Variants in CABIN1 observed in about 807,000 individuals in gnomAD.
CABIN1 encodes the protein calcineurin-binding protein cabin-1.
A neutral mutation model predicts 227.7 loss-of-function variants in CABIN1; 133 were observed. That is an observed-to-expected ratio of 0.58 (90% CI 0.51 to 0.67). The LOEUF (loss-of-function observed/expected upper bound fraction) is 0.67. Among genes scored for constraint, CABIN1 ranks in the 30% least tolerant of loss-of-function variants. CABIN1 has a pLI of 0.00. For missense variants in CABIN1, 2,408 were observed against 2,852.5 expected, an observed-to-expected ratio of 0.84 and a Z score of 3.55; for synonymous variants, 1,086 against 1,155.1, an observed-to-expected ratio of 0.94 and a Z score of 1.21.
chr22:24,096,184 A>C, intron 25 of CABIN1, 102 bp downstream of exon 25: 1 of 1,349,696 alleles, frequency 7.4e-7, no homozygotes, highest in South Asian at 1.2e-5. Context: ...TACACAGTAA[A>C]CAGTAAACTA....
Position 24,090,337 on chromosome 22 carries a change from A to C in CABIN1, c.3526-1246A>C, listed in dbSNP as rs374686008. On this transcript the variant is annotated intron_variant, in intron 23 of 36. Coordinates refer to ENST00000263119, the MANE Select transcript of CABIN1 (RefSeq NM_012295.4). ...CTTGGTCCAGGTCACACAGCTACAAAGCAATTCAAGTAGAAGGACATCCTT... is the reference window on the plus strand; with the variant it reads ...CTTGGTCCAGGTCACACAGCTACAACGCAATTCAAGTAGAAGGACATCCTT... 7.2e-5 allele frequency among the ~76,000 whole-genome samples: 11 copies of C among 152,308 alleles called. No homozygotes were observed. In the East Asian group the frequency reaches 2.1e-3, roughly 29 times the overall value.
intron 11 of CABIN1, 95 bp downstream of exon 11, chr22:24,059,458 G>C: frequency 6.7e-7 from 1 of 1,491,158 alleles, no homozygotes; most frequent in South Asian, 1.2e-5. Flanking sequence ...ATGGTTCTGG[G>C]GTGTTTTTTA....
chr22:24,164,343 C>G, intron 29 of CABIN1, 57 bp from the exon 30 acceptor site: 1 of 1,592,526 alleles, frequency 6.3e-7, no homozygotes, highest in Non-Finnish European at 8.5e-7. Context: ...GACAGGGTGT[C>G]CCCGAGGCTC....
At chr22:24,079,905 T>C (rs2040697545) in intron 19 of CABIN1, among the ~76,000 whole-genome samples, 1 of 152,222 alleles carries the variant, frequency 6.6e-6, no homozygotes, top group Non-Finnish European at 1.5e-5. Context: ...TGGGATATCT[T>C]TTAACTATGT....
chr22:24,073,718 G>A (rs2040250105), intron 18 of CABIN1, among the ~76,000 whole-genome samples: 1 of 152,160 alleles, frequency 6.6e-6, no homozygotes. Flanking sequence ...AAGAGCAGGG[G>A]CAGAGGAAGA....
intron 28 of CABIN1, among the ~76,000 whole-genome samples, chr22:24,125,312 G>C (rs1386799919): frequency 6.6e-6 from 1 of 152,236 alleles, no homozygotes; most frequent in Non-Finnish European, 1.5e-5. Context: ...TGGTGCTCTG[G>C]TGTGAGCCTG....
At chr22:24,048,158 T>A (rs1194647345) in intron 6 of CABIN1, among the ~76,000 whole-genome samples, 1 of 152,220 alleles carries the variant, frequency 6.6e-6, no homozygotes, top group Non-Finnish European at 1.5e-5. Context: ...GGCAGTAGCT[T>A]TAATAATAGG....
intron 18 of CABIN1, 133 bp downstream of exon 18, chr22:24,072,643 A>G (rs916570571): frequency 2.7e-6 from 3 of 1,103,004 alleles, no homozygotes; most frequent in Non-Finnish European, 4.0e-6. Context: ...AGGATTTTGC[A>G]TGCGCTTGGA....
At chr22:24,141,136 A>C (rs1156708621) in intron 29 of CABIN1, among the ~76,000 whole-genome samples, 1 of 152,218 alleles carries the variant, frequency 6.6e-6, no homozygotes, top group East Asian at 1.9e-4. Context: ...GATGTGACTG[A>C]AGCACGGAGC....
intron 28 of CABIN1, among the ~76,000 whole-genome samples, chr22:24,127,046 G>T (rs189095831): frequency 2.0e-5 from 3 of 152,114 alleles, no homozygotes; most frequent in African/African-American, 7.2e-5. Context: ...ACTGTCGCAA[G>T]GTTGTGGAAG....
rs777112935 is a variant in CABIN1 at position 24,036,190 on chromosome 22, T to TATTA, written c.96+9_96+10insATTA. 54 of 1,588,732 alleles carry TATTA rather than the reference T, an allele frequency of 3.4e-5. No individual in the cohort carries two copies. The highest frequency in any genetic ancestry group is 1.7e-6 in the Non-Finnish European group (2 of 1,157,280). On this transcript the variant is annotated intron_variant, in intron 3 of 36. Transcript: ENST00000263119. Reference sequence around the variant, plus strand: ...AGACAAAGGAGGCTCAGGTACGTAATGCGAGGTCTTCTCTGTAGGTGGACC... The same window carrying TATTA: ...AGACAAAGGAGGCTCAGGTACGTAATATTAGCGAGGTCTTCTCTGTAGGTGGACC...
chr22:24,059,669 G>A, intron 11 of CABIN1, among the ~76,000 whole-genome samples: 1 of 152,208 alleles, frequency 6.6e-6, no homozygotes, highest in East Asian at 1.9e-4. Flanking sequence ...TAGTGCACAT[G>A]GCAGCACTTG....
Position 24,064,052 on chromosome 22 carries a change from CCTGGAGAACTATGACATCTGCA to C in CABIN1, c.1904_1925del (p.Leu635GlnfsTer43). The C allele has an allele frequency of 6.2e-7, 1 of 1,614,132 alleles. No individual in the cohort carries two copies. The highest frequency in any genetic ancestry group is 1.3e-5 in the African/African-American group (1 of 75,008). ...CTAACCAGGGAGACATGGAGCAGGCCCTGGAGAACTATGACATCTGCACAGAAATGCTCCAGAGTTCCACCGC... is the reference window on the plus strand; with the variant it reads ...CTAACCAGGGAGACATGGAGCAGGCCCAGAAATGCTCCAGAGTTCCACCGC... On this transcript the variant is annotated frameshift_variant, in exon 15 of 37. Transcript: ENST00000263119. LOFTEE classifies it high-confidence loss of function.
chr22:24,157,387 AG>A (rs2045896512), intron 29 of CABIN1, among the ~76,000 whole-genome samples: 3 of 152,248 alleles, frequency 2.0e-5, no homozygotes, highest in Middle Eastern at 6.8e-3. Flanking sequence ...AATCTGGGCC[AG>A]GGCTCGGAGG....
At chr22:24,092,100 A>G in intron 24 of CABIN1, 2 of 550,016 alleles carry the variant, frequency 3.6e-6, no homozygotes, top group Non-Finnish European at 6.5e-6. Context: ...TCACTAACAC[A>G]GGTTCTAAGA....
In CABIN1 at chr22:24,113,606, T is replaced by C. The variant is rs2042923581; in HGVS notation, c.4158T>C (p.Ser1386=). The C allele has an allele frequency of 6.2e-7, 1 of 1,614,012 alleles. No homozygotes were observed. The highest frequency in any genetic ancestry group is 1.3e-5 in the African/African-American group (1 of 74,890). Residue 1386 remains serine, a synonymous_variant, in exon 27 of 37, where the codon TCT becomes TCC. Transcript: ENST00000263119. ...QDSTAVALSD[S]SSTQDFFNEP... is the part of the protein sequence containing the mutation. ...GCACAGCCGTAGCACTCTCAGACTC[T>C]AGCTCAACGCAGGACTTCTTTAATG...
At chr22:24,119,171 G>A (rs1287913877) in intron 27 of CABIN1, among the ~76,000 whole-genome samples, 196 bp from the exon 28 acceptor site, 1 of 152,214 alleles carries the variant, frequency 6.6e-6, no homozygotes, top group Non-Finnish European at 1.5e-5. Context: ...GTTTCATGGA[G>A]CGGGAGACCT....
intron 31 of CABIN1, 60 bp from the exon 32 acceptor site, chr22:24,166,579 G>A: frequency 3.1e-6 from 5 of 1,609,756 alleles, no homozygotes; most frequent in South Asian, 1.1e-5. Flanking sequence ...AGCCCCCAGA[G>A]GTGACTCATT....
chr22:24,118,839 A>G (rs937163001), intron 27 of CABIN1, among the ~76,000 whole-genome samples: 9 of 152,172 alleles, frequency 5.9e-5, no homozygotes, highest in African/African-American at 1.4e-4. Context: ...GGTGTTCAGG[A>G]GCTGGGCTCA....
Sources: gnomAD v4.1 joint callset for allele counts (sites outside exome capture counted in the v4.1 genomes callset) on GRCh38, gnomAD v4.1.1 for gene constraint, MANE v1.5 for transcripts, NCBI Gene and HGNC (gene_info 2026-07-23, HGNC 2026-07-21) for gene names.